The following SMOC2 variants were observed in gnomAD, a reference collection of about 807,000 sequenced individuals.
The protein encoded by SMOC2 is SPARC related modular calcium binding 2.
A neutral mutation model predicts 61.4 loss-of-function variants in SMOC2; 39 were observed. The observed-to-expected ratio is 0.64, with a 90% CI of 0.49 to 0.83. The LOEUF is 0.83. SMOC2 is among the 40% of genes least tolerant of loss of function. SMOC2 has a pLI of 0.00. For missense variants in SMOC2, 556 were observed against 592.9 expected (o/e 0.94, Z 0.65); for synonymous variants, 247 against 239.9 (o/e 1.03, Z -0.27).
chr6:168,638,656 CT>C (rs1786809236), intron 9 of SMOC2, among the ~76,000 whole-genome samples: 1 of 152,152 alleles, frequency 6.6e-6, no homozygotes. Flanking sequence ...GGAGTGGAGT[CT>C]TGCTCCCAGC....
At chr6:168,648,145 C>G (rs1175940109) in intron 9 of SMOC2, among the ~76,000 whole-genome samples, 2 of 152,170 alleles carry the variant, frequency 1.3e-5, no homozygotes, top group Non-Finnish European at 2.9e-5. Flanking sequence ...CTGTTCAGTA[C>G]TGAGGATTAT....
rs527992786 is a variant in SMOC2 at position 168,494,019 on chromosome 6, G to A, written c.85-15896G>A. Among the ~76,000 whole-genome samples, 264 of 152,268 alleles carry A rather than the reference G, an allele frequency of 1.7e-3. 1 individual carries two copies. Among genetic ancestry groups the A allele is most frequent in the African/African-American group, 5.9e-3 (247 of 41,544 alleles). On this transcript the variant is annotated intron_variant, in intron 1 of 12. Transcript: ENST00000356284. ...AATATTATGAGTGTGGGATCATTCC[G>A]ATGCCATTGGAACGATCCTGAAGTC...
chr6:168,518,928 C>T (rs943172469), intron 2 of SMOC2, among the ~76,000 whole-genome samples: 13 of 143,678 alleles, frequency 9.0e-5, no homozygotes, highest in East Asian at 2.1e-4. Context: ...CATGAGTGTG[C>T]GTGCATATGC....
At chr6:168,482,534 A>G (rs1583047502) in intron 1 of SMOC2, among the ~76,000 whole-genome samples, 1 of 152,072 alleles carries the variant, frequency 6.6e-6, no homozygotes, top group African/African-American at 2.4e-5. Flanking sequence ...AGAAGAGGGA[A>G]CACTTTCTAA....
At chr6:168,523,310 G>T (rs1419212895) in intron 2 of SMOC2, among the ~76,000 whole-genome samples, 1 of 146,354 alleles carries the variant, frequency 6.8e-6, no homozygotes, top group Non-Finnish European at 1.5e-5. Context: ...GGATGGTCTC[G>T]ATCTCCTGAC....
Position 168,632,358 on chromosome 6 carries a change from A to T in SMOC2, c.908-18323A>T, listed in dbSNP as rs1040715242. ...TCAACAACTTTGCTATCTTTGACAA[A>T]TTTTTGTGAGATAATTGCCTTTAAA... On this transcript the variant is annotated intron_variant, in intron 9 of 12. Transcript: ENST00000356284. Among the ~76,000 whole-genome samples, 20 of 152,216 alleles carry T rather than the reference A, an allele frequency of 1.3e-4. 1 individual carries two copies. Among genetic ancestry groups the T allele is most frequent in the African/African-American group, 4.6e-4 (19 of 41,448 alleles).
chr6:168,541,019 A>C (rs1783866572), intron 4 of SMOC2, among the ~76,000 whole-genome samples: 1 of 152,192 alleles, frequency 6.6e-6, no homozygotes, highest in African/African-American at 2.4e-5. Context: ...TTCTGGTAAC[A>C]CGTTGTTAAG....
At chr6:168,608,304 G>T in intron 9 of SMOC2, 65 bp downstream of exon 9, 1 of 1,529,394 alleles carries the variant, frequency 6.5e-7, no homozygotes, top group South Asian at 1.2e-5. Flanking sequence ...TTGCAAATTT[G>T]GAATGAAAAA....
intron 7 of SMOC2, among the ~76,000 whole-genome samples, chr6:168,551,139 T>A (rs989978166): frequency 2.6e-5 from 4 of 152,200 alleles, no homozygotes; most frequent in African/African-American, 9.6e-5. Context: ...TCTAACCCCT[T>A]CGCTGGGCAC....
chr6:168,556,699 G>A (rs544411986), intron 7 of SMOC2, among the ~76,000 whole-genome samples: 2 of 151,204 alleles, frequency 1.3e-5, no homozygotes, highest in South Asian at 4.2e-4. Flanking sequence ...CCATTAACTC[G>A]TCATTTAACA....
chr6:168,577,703 G>A (rs1339319611), intron 7 of SMOC2, among the ~76,000 whole-genome samples: 2 of 152,142 alleles, frequency 1.3e-5, no homozygotes, highest in African/African-American at 2.4e-5. Flanking sequence ...TGAGGGTCAC[G>A]CACTTTCGAA....
At chr6:168,518,615 GTA>G (rs1403943572) in intron 2 of SMOC2, among the ~76,000 whole-genome samples, 1 of 88,522 alleles carries the variant, frequency 1.1e-5, no homozygotes, top group Non-Finnish European at 3.4e-5. Context: ...GTGTGTGCAT[GTA>G]TGACTGAGTG....
At chr6:168,664,933 G>T in intron 12 of SMOC2, 1 of 410,836 alleles carries the variant, frequency 2.4e-6, no homozygotes. Context: ...ATTTCCTAAG[G>T]CAAGCCCCTG....
intron 8 of SMOC2, among the ~76,000 whole-genome samples, chr6:168,602,981 A>G (rs1785591184): frequency 6.6e-6 from 1 of 152,192 alleles, no homozygotes; most frequent in Non-Finnish European, 1.5e-5. Context: ...GGTAATTTCC[A>G]TAATCCCCAC....
intron 1 of SMOC2, among the ~76,000 whole-genome samples, chr6:168,465,757 A>G (rs1781816438): frequency 7.2e-6 from 1 of 139,556 alleles, no homozygotes; most frequent in Admixed American, 7.3e-5. Flanking sequence ...GGGGCTCTGG[A>G]TGAAGCGAGG....
At position 168,608,382 on chromosome 6, in the gene SMOC2, G is replaced by T. The variant is rs1583156221; in HGVS notation, c.907+143G>T. On this transcript the variant is annotated intron_variant, in intron 9 of 12. Transcript: ENST00000356284. ...GAGGCCTCCTACCTCCTTGCAGAGGGCCCTGAGTCCAGGCAGGGAGACAGG... is the reference window on the plus strand; with the variant it reads ...GAGGCCTCCTACCTCCTTGCAGAGGTCCCTGAGTCCAGGCAGGGAGACAGG... 5 of 922,574 alleles carry T rather than the reference G, an allele frequency of 5.4e-6. No homozygotes were observed. In the East Asian group the frequency reaches 1.3e-4, roughly 25 times the overall value. 57.1% of individuals were successfully genotyped at this position (922,574 alleles called of 1,614,324 possible). A position where few individuals can be genotyped will look rare whatever the true frequency, so the allele number is the denominator to read the frequency against.
At chr6:168,591,935 T>C (rs1364715385) in intron 7 of SMOC2, among the ~76,000 whole-genome samples, 2 of 152,210 alleles carry the variant, frequency 1.3e-5, no homozygotes, top group Non-Finnish European at 1.5e-5. Flanking sequence ...TTTCTAGCTT[T>C]ATTTTTCTCT....
chr6:168,638,739 G>A (rs1417506066), intron 9 of SMOC2, among the ~76,000 whole-genome samples: 2 of 152,184 alleles, frequency 1.3e-5, no homozygotes, highest in African/African-American at 4.8e-5. Flanking sequence ...CAGGTGTAGG[G>A]CCTGGAAATC....
intron 5 of SMOC2, among the ~76,000 whole-genome samples, chr6:168,546,483 G>A (rs1179381024): frequency 6.6e-6 from 1 of 152,144 alleles, no homozygotes; most frequent in African/African-American, 2.4e-5. Flanking sequence ...GAGTCTATGG[G>A]TGGTGTAGGG....
Sources: allele counts gnomAD v4.1 joint callset (sites outside exome capture counted in the v4.1 genomes callset), GRCh38; gene constraint gnomAD v4.1.1; transcripts MANE v1.5; gene names NCBI Gene and HGNC (gene_info 2026-07-23, HGNC 2026-07-21).